Variants in CALU observed in about 807,000 individuals in gnomAD.
CALU encodes the protein calumenin.
CALU carries 13 observed loss-of-function variants against 37.5 expected under a neutral mutation model. That is an observed-to-expected ratio of 0.35 (90% CI 0.23 to 0.55). The LOEUF is 0.55. Ranked by LOEUF, CALU falls within the 20% of genes least tolerant of loss-of-function variation. CALU has a pLI of 0.89. For synonymous variants in CALU, 114 were observed against 133.8 expected (o/e 0.85, Z 1.02); for missense variants, 282 against 391.7 (o/e 0.72, Z 2.36).
At chr7:128,743,563 C>G (rs1286474778) in intron 1 of CALU, among the ~76,000 whole-genome samples, 1 of 151,486 alleles carries the variant, frequency 6.6e-6, no homozygotes. Flanking sequence ...GTTCCCTCAC[C>G]AAGGCTGGAG....
intron 1 of CALU, chr7:128,748,221 A>C (rs1800520691): frequency 1.6e-6 from 1 of 618,546 alleles, no homozygotes; most frequent in South Asian, 2.2e-5. Context: ...TGGAGTCAAC[A>C]TTTAAACCTT....
At position 128,748,632 on chromosome 7, in the gene CALU, G is replaced by A. The variant is rs778906978; in HGVS notation, c.49G>A (p.Ala17Thr). Reference protein sequence around the residue: ...LMCLSLCTAFALSKPTEKKDR... With the variant: ...LMCLSLCTAFTLSKPTEKKDR... ...GTGCCTGTCCCTGTGCACAGCCTTT[G>A]CCTTGAGCAAACCCACAGAAAAGAA... Residue 17 changes from alanine (A) to threonine (T), a missense_variant, in exon 2 of 7, where the codon GCC (alanine) becomes ACC (threonine). Physicochemically the swap from Ala to Thr is moderately conservative, Grantham distance 58 (BLOSUM62 0). Coordinates refer to ENST00000249364, the MANE Select transcript of CALU (RefSeq NM_001219.5). The A allele has an allele frequency of 3.7e-6, 6 of 1,614,076 alleles. No homozygotes were observed. The highest frequency in any genetic ancestry group is 2.2e-5 in the South Asian group (2 of 91,074).
chr7:128,764,027 G>C (rs550336267), intron 5 of CALU, among the ~76,000 whole-genome samples: 18 of 152,194 alleles, frequency 1.2e-4, no homozygotes, highest in Non-Finnish European at 2.4e-4. Flanking sequence ...TTTCAGACTT[G>C]TTCACTTAAA....
chr7:128,772,811 C>T lies in CALU; in HGVS notation c.*3644C>T, dbSNP rs1801642706. ...GAATCTATCTTCCCCATCCTGAAAA[C>T]TATCTAGATTCCAGTCTAGAACTAC... On this transcript the variant is annotated 3_prime_UTR_variant, in exon 7 of 7. Transcript: ENST00000249364. 1 of 1,041,646 alleles carries T rather than the reference C, an allele frequency of 9.6e-7. No individual in the cohort carries two copies. The highest frequency in any genetic ancestry group is 1.4e-5 in the South Asian group (1 of 72,396). 64.5% of individuals were successfully genotyped at this position (1,041,646 alleles called of 1,614,324 possible).
intron 5 of CALU, among the ~76,000 whole-genome samples, chr7:128,766,076 C>T (rs937362029): frequency 1.3e-5 from 2 of 152,166 alleles, no homozygotes; most frequent in African/African-American, 4.8e-5. Flanking sequence ...CCTGCCTCAG[C>T]CTCCCCAGTA....
rs1407760030 is a variant in CALU at position 128,769,925 on chromosome 7, A to T, written c.*758A>T. Reference sequence around the variant, plus strand: ...GTGATCTCTTTGCAGAGCTATAGATAGAAACAGCTGGAAAACTAAAGGAAA... The same window carrying T: ...GTGATCTCTTTGCAGAGCTATAGATTGAAACAGCTGGAAAACTAAAGGAAA... On this transcript the variant is annotated 3_prime_UTR_variant, in exon 7 of 7. Coordinates refer to ENST00000249364, the MANE Select transcript of CALU (RefSeq NM_001219.5). 6.6e-6 allele frequency: 1 copy of T among 152,264 alleles called. No individual in the cohort carries two copies. Among genetic ancestry groups the T allele is most frequent in the African/African-American group, 2.4e-5 (1 of 41,462 alleles). The allele number at this position is 152,264 out of a possible 1,614,324, so 9.4% of individuals were successfully genotyped here.
intron 3 of CALU, among the ~76,000 whole-genome samples, chr7:128,756,429 G>A (rs1422786587): frequency 6.6e-6 from 1 of 152,184 alleles, no homozygotes; most frequent in Non-Finnish European, 1.5e-5. Flanking sequence ...GTCTTTATAA[G>A]GCATCTTTCC....
At position 128,770,992 on chromosome 7, in the gene CALU, T is replaced by A. The variant is rs1271382279; in HGVS notation, c.*1825T>A. ...CACCCCAGCCTTTGTACTAAGCTCT[T>A]GATAGTGGATATACTCTTTTAAGTT... On this transcript the variant is annotated 3_prime_UTR_variant, in exon 7 of 7. Transcript: ENST00000249364. The A allele has an allele frequency of 6.6e-6, 1 of 152,660 alleles. No homozygotes were observed. Among genetic ancestry groups the A allele is most frequent in the Non-Finnish European group, 1.5e-5 (1 of 68,050 alleles). 9.5% of individuals were successfully genotyped at this position (152,660 alleles called of 1,614,324 possible). A position where few individuals can be genotyped will look rare whatever the true frequency, so the allele number is the denominator to read the frequency against.
intron 5 of CALU, among the ~76,000 whole-genome samples, chr7:128,760,890 A>G (rs1562879396): frequency 6.6e-6 from 1 of 152,244 alleles, no homozygotes; most frequent in Non-Finnish European, 1.5e-5. Flanking sequence ...CCGGGGCTAC[A>G]GAGCGAGACT....
rs540223106 is a variant in CALU, at chr7:128,770,200, A to G, written c.*1033A>G. ...GGGAATTCTCTTAAGAAACCCTGAG[A>G]TTAAAAAAAGACTATTTGGATAACT... On this transcript the variant is annotated 3_prime_UTR_variant, in exon 7 of 7. Transcript: ENST00000249364. 9.2e-5 allele frequency: 14 copies of G among 152,772 alleles called. No homozygotes were observed. In the East Asian group the frequency reaches 2.7e-3, roughly 29 times the overall value. The allele number at this position is 152,772 out of a possible 1,614,324, so 9.5% of individuals were successfully genotyped here. A position where few individuals can be genotyped will look rare whatever the true frequency, so the allele number is the denominator to read the frequency against.
chr7:128,754,372 G>T lies in CALU; in HGVS notation c.332G>T (p.Arg111Leu). The T allele has an allele frequency of 6.2e-7, 1 of 1,614,148 alleles. No homozygotes were observed. The change falls in exon 3 of 7, where the codon CGA (arginine) becomes CTA (leucine). Residue 111 changes from arginine to leucine, a missense_variant. By Grantham distance (102) the Arg-to-Leu change is moderately radical. Transcript: ENST00000249364. The stretch of plus-strand genomic sequence containing the variant: ...CGCTGGATTTACGAGGATGTAGAGC[G>T]ACAGTGGAAGGGGCATGACCTCAAT... ...QKRWIYEDVE[R>L]QWKGHDLNED...
At chr7:128,764,565 A>G (rs758769371) in intron 5 of CALU, among the ~76,000 whole-genome samples, 5 of 152,256 alleles carry the variant, frequency 3.3e-5, no homozygotes, top group Non-Finnish European at 7.3e-5. Flanking sequence ...TTTGGACACG[A>G]CAACTTTAAA....
At chr7:128,753,896 G>A (rs109829) in intron 2 of CALU, among the ~76,000 whole-genome samples, 119,954 of 152,206 alleles carry the variant, frequency 0.79, 48,027 homozygotes, top group East Asian at 0.94. Context: ...CCACATCTTC[G>A]CTAGAGAAAA....
At chr7:128,767,700 G>T in intron 6 of CALU, 45 bp downstream of exon 6, 1 of 1,462,922 alleles carries the variant, frequency 6.8e-7, no homozygotes, top group Non-Finnish European at 9.5e-7. Flanking sequence ...ATTGAAGTAT[G>T]CTTCTAGGGG....
chr7:128,757,923 G>A (rs34308504), intron 3 of CALU, among the ~76,000 whole-genome samples: 41,795 of 146,224 alleles, frequency 0.29, 6,764 homozygotes, highest in Non-Finnish European at 0.38. Flanking sequence ...TTTTTTTTTT[G>A]TATACCTTTG....
chr7:128,767,732 A>C, intron 6 of CALU, 77 bp downstream of exon 6: 5 of 1,208,954 alleles, frequency 4.1e-6, no homozygotes, highest in Non-Finnish European at 6.0e-6. Context: ...AGTTTCTGTT[A>C]AGGTGCATAG....
In CALU at chr7:128,771,961, G is replaced by A. The variant is rs1424782457; in HGVS notation, c.*2794G>A. 1.3e-5 allele frequency among the ~76,000 whole-genome samples: 2 copies of A among 152,126 alleles called. No homozygotes were observed. Among genetic ancestry groups the A allele is most frequent in the Non-Finnish European group, 2.9e-5 (2 of 68,022 alleles). On this transcript the variant is annotated 3_prime_UTR_variant, in exon 7 of 7. Transcript: ENST00000249364. ...GGGGAGGAAGCACCTGGAATAATTTGTGCTTGCTCAGGGGCTTGTGGACAT... is the reference window on the plus strand; with the variant it reads ...GGGGAGGAAGCACCTGGAATAATTTATGCTTGCTCAGGGGCTTGTGGACAT...
intron 5 of CALU, among the ~76,000 whole-genome samples, chr7:128,763,522 C>T (rs985677998): frequency 7.2e-5 from 11 of 152,134 alleles, no homozygotes; most frequent in Admixed American, 7.2e-4. Flanking sequence ...CAGAGCAAGA[C>T]TCTGTCTCAA....
rs1002114779 is a variant in CALU, at chr7:128,772,088, TTTTC to T, written c.*2925_*2928del. ...GTTTTTTTTTTTGTTTTGTTTTGTT[TTTTC>T]TTTATGTCTCTCCCATTTCTAAAGT... On this transcript the variant is annotated 3_prime_UTR_variant, in exon 7 of 7. Transcript: ENST00000249364. Among the ~76,000 whole-genome samples the T allele has an allele frequency of 2.0e-5, 3 of 148,944 alleles. No homozygotes were observed. The highest frequency in any genetic ancestry group is 7.3e-5 in the African/African-American group (3 of 40,950).
Sources: gnomAD v4.1 joint callset for allele counts (sites outside exome capture counted in the v4.1 genomes callset) on GRCh38, gnomAD v4.1.1 for gene constraint, MANE v1.5 for transcripts, NCBI Gene and HGNC (gene_info 2026-07-23, HGNC 2026-07-21) for gene names.